The following ADAMTS20 variants were observed in gnomAD, a reference collection of about 807,000 sequenced individuals.
ADAMTS20 encodes the protein A disintegrin and metalloproteinase with thrombospondin motifs 20.
ADAMTS20 carries 225 observed loss-of-function variants against 260.1 expected under a neutral mutation model. The observed-to-expected ratio is 0.87, with a 90% confidence interval of 0.78 to 0.97. The LOEUF (loss-of-function observed/expected upper bound fraction) is 0.97. Among genes scored for constraint, ADAMTS20 ranks in the 50% least tolerant of loss-of-function variants. ADAMTS20 has a pLI of 0.00. For missense variants in ADAMTS20, 2,400 were observed against 2,337.7 expected (o/e 1.03, Z -0.55); for synonymous variants, 802 against 769.5 (o/e 1.04, Z -0.70).
At chr12:43,539,883 T>C (rs1315158057) in intron 2 of ADAMTS20, among the ~76,000 whole-genome samples, 1 of 132,084 alleles carries the variant, frequency 7.6e-6, no homozygotes, top group East Asian at 2.6e-4. Flanking sequence ...ATATTAACCA[T>C]AGATTTTTTT....
At chr12:43,361,401 G>T (rs1163280315) in intron 37 of ADAMTS20, among the ~76,000 whole-genome samples, 1 of 152,248 alleles carries the variant, frequency 6.6e-6, no homozygotes, top group East Asian at 1.9e-4. Flanking sequence ...GATGGGCACA[G>T]CTCCTTTTGA....
intron 28 of ADAMTS20, chr12:43,423,252 T>C (rs982878722): frequency 1.3e-5 from 2 of 154,782 alleles, no homozygotes; most frequent in Non-Finnish European, 2.9e-5. Context: ...CAGCCATAGA[T>C]AACACGTAAA....
At chr12:43,363,958 A>C (rs1939929514) in intron 37 of ADAMTS20, among the ~76,000 whole-genome samples, 1 of 152,242 alleles carries the variant, frequency 6.6e-6, no homozygotes, top group South Asian at 2.1e-4. Flanking sequence ...TCTAGCAATT[A>C]GTGGAGACTA....
At chr12:43,402,703 T>G (rs1216447507) in intron 28 of ADAMTS20, among the ~76,000 whole-genome samples, 3 of 152,086 alleles carry the variant, frequency 2.0e-5, no homozygotes, top group Non-Finnish European at 4.4e-5. Flanking sequence ...TCTTCTGGTA[T>G]CCCAGCAATC....
chr12:43,448,512 A>G (rs1229576868), intron 14 of ADAMTS20, among the ~76,000 whole-genome samples: 2 of 152,348 alleles, frequency 1.3e-5, no homozygotes, highest in South Asian at 2.1e-4. Flanking sequence ...AAAGACTTCA[A>G]TGTAAAACCC....
At chr12:43,535,269 C>A (rs1943278603) in intron 2 of ADAMTS20, among the ~76,000 whole-genome samples, 1 of 152,080 alleles carries the variant, frequency 6.6e-6, no homozygotes, top group Non-Finnish European at 1.5e-5. Context: ...ATGTGGTAAG[C>A]AGTAGGTATT....
chr12:43,538,063 C>T (rs1434568990), intron 2 of ADAMTS20, among the ~76,000 whole-genome samples: 2 of 152,202 alleles, frequency 1.3e-5, no homozygotes, highest in East Asian at 3.8e-4. Context: ...CATATGGTAG[C>T]TCTACTTTTA....
At chr12:43,478,372 G>GA (rs986032529) in intron 7 of ADAMTS20, among the ~76,000 whole-genome samples, 145 of 151,004 alleles carry the variant, frequency 9.6e-4, no homozygotes, top group African/African-American at 3.4e-3. Flanking sequence ...AGCACGAAGA[G>GA]AAAAAAAATG....
intron 14 of ADAMTS20, among the ~76,000 whole-genome samples, chr12:43,448,125 A>G (rs1941796094): frequency 6.6e-6 from 1 of 152,042 alleles, no homozygotes; most frequent in African/African-American, 2.4e-5. Context: ...TCTTTATAGA[A>G]CTAGAGAAAA....
At chr12:43,370,671 A>G (rs1285177474) in intron 36 of ADAMTS20, among the ~76,000 whole-genome samples, 2 of 152,212 alleles carry the variant, frequency 1.3e-5, no homozygotes, top group African/African-American at 4.8e-5. Context: ...ACCTACAGAT[A>G]TCTGTAATTT....
chr12:43,369,341 T>A lies in ADAMTS20; in HGVS notation c.5487A>T (p.Ala1829=). ...LLFSKTIFGN[A]VPFATAGDCY... is the part of the protein sequence containing the mutation. ...AATCTCCAGCTGTGGCAAATGGAAC[T>A]GCATTTCCAAATATTGTTTTGGAAA... is the stretch of plus-strand genomic sequence containing the variant. Residue 1829 remains alanine, a synonymous_variant, in exon 37 of 39, where the codon GCA becomes GCT. Transcript: ENST00000389420. 6.4e-7 allele frequency: 1 copy of A among 1,567,548 alleles called. No individual in the cohort carries two copies. Among genetic ancestry groups the A allele is most frequent in the Non-Finnish European group, 8.6e-7 (1 of 1,158,186 alleles).
Position 43,377,519 on chromosome 12 carries a change from T to C in ADAMTS20, c.4841A>G (p.Tyr1614Cys). ...CGFSYRQRIT[Y>C]CTEIPSTKKH... ...CTTAGTAGATGGGATCTCGGTGCAA[T>C]ATGTAATCCTTTGTCTGTAACTAAA... Residue 1614 changes from tyrosine (Y) to cysteine (C), a missense_variant, in exon 32 of 39, where the codon TAT (tyrosine) becomes TGT (cysteine). Transcript: ENST00000389420. The C allele has an allele frequency of 6.2e-7, 1 of 1,613,200 alleles. No homozygotes were observed. The highest frequency in any genetic ancestry group is 2.2e-5 in the East Asian group (1 of 44,856).
chr12:43,384,641 T>C (rs1196554880), intron 29 of ADAMTS20, among the ~76,000 whole-genome samples: 1 of 152,122 alleles, frequency 6.6e-6, no homozygotes, highest in African/African-American at 2.4e-5. Flanking sequence ...GTGTGTGATA[T>C]TCCCCTCCAT....
chr12:43,386,624 A>G (rs1008522579), intron 29 of ADAMTS20, among the ~76,000 whole-genome samples: 2 of 150,694 alleles, frequency 1.3e-5, no homozygotes, highest in African/African-American at 5.0e-5. Context: ...AGGTACACCA[A>G]TCAAACATAG....
At chr12:43,461,836 A>G (rs1261249668) in intron 11 of ADAMTS20, among the ~76,000 whole-genome samples, 1 of 152,218 alleles carries the variant, frequency 6.6e-6, no homozygotes, top group Non-Finnish European at 1.5e-5. Context: ...AACATTATAT[A>G]AAGATTGAAT....
Position 43,429,680 on chromosome 12 carries a change from G to C in ADAMTS20, c.3426C>G (p.Thr1142=). ...TTATGAGAACAGTTGGTAATAAAGC[G>C]GTCTCAAGTTTAGAAATAAATGAGC... ...TPCSFISKLE[T]ALLPTVLIKK... Residue 1142 remains threonine, a synonymous_variant, in exon 24 of 39, where the codon ACC becomes ACG. Transcript: ENST00000389420. 6.3e-7 allele frequency: 1 copy of C among 1,597,636 alleles called. No individual in the cohort carries two copies. The highest frequency in any genetic ancestry group is 2.2e-5 in the East Asian group (1 of 44,554).
At chr12:43,442,456 C>T (rs940091821) in intron 16 of ADAMTS20, among the ~76,000 whole-genome samples, 1 of 151,900 alleles carries the variant, frequency 6.6e-6, no homozygotes, top group Non-Finnish European at 1.5e-5. Flanking sequence ...CGGGGTTTTG[C>T]CATGTTGGTC....
intron 3 of ADAMTS20, among the ~76,000 whole-genome samples, chr12:43,527,297 C>T (rs759772526): frequency 1.9e-4 from 29 of 152,192 alleles, no homozygotes; most frequent in Middle Eastern, 3.4e-3. Context: ...CCTAATAAAA[C>T]AATTTCAAAA....
intron 4 of ADAMTS20, among the ~76,000 whole-genome samples, chr12:43,501,481 G>GCGCACACACA (rs373746834): frequency 2.5e-5 from 3 of 117,860 alleles, no homozygotes; most frequent in Non-Finnish European, 1.8e-5. Flanking sequence ...GCGCGCGCGC[G>GCGCACACACA]CACACACACA....
Sources: allele counts gnomAD v4.1 joint callset (sites outside exome capture counted in the v4.1 genomes callset), GRCh38; gene constraint gnomAD v4.1.1; transcripts MANE v1.5; gene names NCBI Gene and HGNC (gene_info 2026-07-23, HGNC 2026-07-21).